The following LHCGR variants were observed in gnomAD, a reference collection of about 807,000 sequenced individuals.
The protein encoded by LHCGR is luteinizing hormone/choriogonadotropin receptor.
A neutral mutation model predicts 60.7 loss-of-function variants in LHCGR; 55 were observed. That is an observed-to-expected ratio of 0.91 (90% CI 0.73 to 1.13). The LOEUF is 1.13. Among genes scored for constraint, LHCGR ranks in the 50% most tolerant of loss-of-function variants. LHCGR has a pLI of 0.00. For synonymous variants in LHCGR, 337 were observed against 316.5 expected (o/e 1.06, Z -0.69); for missense variants, 862 against 836.0 (o/e 1.03, Z -0.38).
intron 1 of LHCGR, among the ~76,000 whole-genome samples, chr2:48,754,320 G>T (rs1480084014): frequency 6.6e-6 from 1 of 152,128 alleles, no homozygotes; most frequent in African/African-American, 2.4e-5. Flanking sequence ...AGACTGTTGG[G>T]GGCTCAAAGG....
chr2:48,740,079 CAGAT>C (rs1010038211), intron 1 of LHCGR, among the ~76,000 whole-genome samples: 2 of 152,220 alleles, frequency 1.3e-5, no homozygotes, highest in African/African-American at 4.8e-5. Context: ...AAAGGGGTGA[CAGAT>C]GGCACCTGGA....
intron 6 of LHCGR, among the ~76,000 whole-genome samples, chr2:48,715,272 C>G (rs557019598): frequency 8.5e-5 from 13 of 152,162 alleles, no homozygotes; most frequent in Non-Finnish European, 1.3e-4. Flanking sequence ...TGCGTGGCAC[C>G]TGGGAGTATT....
rs1444345731 is a variant in LHCGR, at chr2:48,688,249, G to A, written c.1548C>T (p.Pro516=). Reference sequence around the variant, plus strand: ...GTGAGAGAGTGGTTTCCACATCCATGGGGAAGCAAATACTGACCTTCATGT... The same window carrying A: ...GTGAGAGAGTGGTTTCCACATCCATAGGGAAGCAAATACTGACCTTCATGT... The part of the protein sequence containing the change: ...SNYMKVSICF[P]MDVETTLSQV... Residue 516 remains proline (P), a synonymous_variant, in exon 11 of 11, where the codon CCC becomes CCT. Transcript: ENST00000294954. This position sits in a 1 kb window ranked among gnomAD's most constrained non-coding sequence, Gnocchi z 5.2. 7 of 1,614,022 alleles carry A rather than the reference G, an allele frequency of 4.3e-6. No individual in the cohort carries two copies. The highest frequency in any genetic ancestry group is 1.1e-5 in the South Asian group (1 of 91,082).
intron 3 of LHCGR, among the ~76,000 whole-genome samples, 196 bp downstream of exon 3, chr2:48,728,957 G>A (rs1209833997): frequency 6.6e-6 from 1 of 152,128 alleles, no homozygotes. Context: ...CAGCTCCCAG[G>A]GAGAAGCAGT....
intron 6 of LHCGR, among the ~76,000 whole-genome samples, chr2:48,717,833 C>CTTTTTT (rs10711529): frequency 5.2e-4 from 36 of 68,988 alleles, no homozygotes; most frequent in East Asian, 1.5e-3. Context: ...TTTTCCATGT[C>CTTTTTT]TTTTTTTTTT....
chr2:48,696,595 A>C (rs35143434), intron 9 of LHCGR, among the ~76,000 whole-genome samples: 11,465 of 152,256 alleles, frequency 0.075, 489 homozygotes, highest in Non-Finnish European at 0.1. Flanking sequence ...TCAGGTCAAT[A>C]AATGAAAATA....
At chr2:48,742,923 C>T (rs146107186) in intron 1 of LHCGR, among the ~76,000 whole-genome samples, 22,258 of 151,680 alleles carry the variant, frequency 0.15, 2,143 homozygotes, top group East Asian at 0.32. Flanking sequence ...TTGAAAGGAT[C>T]AACAAAATTG....
At chr2:48,734,869 A>G (rs1238848552) in intron 1 of LHCGR, among the ~76,000 whole-genome samples, 1 of 152,210 alleles carries the variant, frequency 6.6e-6, no homozygotes, top group African/African-American at 2.4e-5. Flanking sequence ...TGCACCTCAG[A>G]TGGGTGGTAA....
At position 48,750,271 on chromosome 2, in the gene LHCGR, G is replaced by A. The variant is rs1669903409; in HGVS notation, c.161+5240C>T. The stretch of plus-strand genomic sequence containing the variant: ...TGTGTGCTACACCAGGAGGCCATCT[G>A]TCTCAATTCAGGCTGCCTTGGTGGT... On this transcript the variant is annotated intron_variant, in intron 1 of 10. Coordinates refer to ENST00000294954, the MANE Select transcript of LHCGR (RefSeq NM_000233.4). Among the ~76,000 whole-genome samples, 2 of 152,154 alleles carry A rather than the reference G, an allele frequency of 1.3e-5. 1 individual carries two copies. The highest frequency in any genetic ancestry group is 4.1e-4 in the South Asian group (2 of 4,828).
At chr2:48,747,941 C>T (rs948498486) in intron 1 of LHCGR, among the ~76,000 whole-genome samples, 1 of 152,120 alleles carries the variant, frequency 6.6e-6, no homozygotes, top group Non-Finnish European at 1.5e-5. Context: ...CTTTGAATAG[C>T]GATTCCTCAG....
At chr2:48,748,448 G>C (rs1029804889) in intron 1 of LHCGR, among the ~76,000 whole-genome samples, 2 of 152,070 alleles carry the variant, frequency 1.3e-5, no homozygotes, top group African/African-American at 4.8e-5. Flanking sequence ...TATGTGTCAG[G>C]GGCAGCTAAG....
At chr2:48,689,817 C>T (rs1053019403) in intron 10 of LHCGR, among the ~76,000 whole-genome samples, 13 of 152,040 alleles carry the variant, frequency 8.6e-5, no homozygotes, top group Non-Finnish European at 1.3e-4. Flanking sequence ...CAGGTTCAAA[C>T]GATTCCCCTG....
chr2:48,707,933 C>G lies in LHCGR; in HGVS notation c.680+1015G>C, dbSNP rs567774888. Among the ~76,000 whole-genome samples, 96 of 152,266 alleles carry G rather than the reference C, an allele frequency of 6.3e-4. 3 individuals carry two copies. The highest frequency in any genetic ancestry group is 3.4e-3 in the Middle Eastern group (1 of 294). On this transcript the variant is annotated intron_variant, in intron 8 of 10. Coordinates refer to ENST00000294954, the MANE Select transcript of LHCGR (RefSeq NM_000233.4). ...TCGTTCCTCCAGGTACAGTCTCTCACAGCTTCCCTTGCCTAGGAAAGGGAA... is the reference window on the plus strand; with the variant it reads ...TCGTTCCTCCAGGTACAGTCTCTCAGAGCTTCCCTTGCCTAGGAAAGGGAA...
In LHCGR at chr2:48,705,886, C is replaced by T. The variant is rs188647900; in HGVS notation, c.680+3062G>A. 1.6e-4 allele frequency among the ~76,000 whole-genome samples: 24 copies of T among 152,190 alleles called. No homozygotes were observed. In the East Asian group the frequency reaches 1.7e-3, roughly 11 times the overall value. On this transcript the variant is annotated intron_variant, in intron 8 of 10. Transcript: ENST00000294954. ...TGTCTTTTATTTGGGGCATTTAGCC[C>T]GTTTACATTTAAGATTAATATTGTT...
Position 48,708,548 on chromosome 2 carries a change from CCACACA to C in LHCGR, c.680+394_680+399del, listed in dbSNP as rs5831001. ...AAAGGGGCAATTTGGAGATACCCAC[CCACACA>C]CACACACACACACACACATGCACAC... is the stretch of plus-strand genomic sequence containing the variant. On this transcript the variant is annotated intron_variant, in intron 8 of 10. Transcript: ENST00000294954. 6.2e-3 allele frequency among the ~76,000 whole-genome samples: 926 copies of C among 150,166 alleles called. 7 individuals carry two copies. Among genetic ancestry groups the C allele is most frequent in the African/African-American group, 0.02 (830 of 40,994 alleles).
intron 1 of LHCGR, 74 bp from the exon 2 acceptor site, chr2:48,731,372 G>A (rs1399516234): frequency 9.9e-7 from 1 of 1,008,876 alleles, no homozygotes; most frequent in East Asian, 2.4e-5. Flanking sequence ...GAATAAAATG[G>A]GTATGTGTAT....
chr2:48,712,015 C>T (rs2104426854), intron 7 of LHCGR, among the ~76,000 whole-genome samples: 1 of 152,146 alleles, frequency 6.6e-6, no homozygotes, highest in East Asian at 1.9e-4. Flanking sequence ...GTACTATCTG[C>T]TGGTCTATGA....
chr2:48,714,190 C>A (rs944172399), intron 6 of LHCGR, 136 bp from the exon 7 acceptor site: 58 of 699,070 alleles, frequency 8.3e-5, no homozygotes, highest in Non-Finnish European at 1.4e-4. Flanking sequence ...ATCATCACCA[C>A]CACCATCAAT....
chr2:48,734,007 C>T (rs1356642434), intron 1 of LHCGR, among the ~76,000 whole-genome samples: 2 of 152,156 alleles, frequency 1.3e-5, no homozygotes, highest in African/African-American at 4.8e-5. Flanking sequence ...CAATTCCACT[C>T]CTGTATACAT....
Sources: gnomAD v4.1 joint callset for allele counts (sites outside exome capture counted in the v4.1 genomes callset) on GRCh38, gnomAD v4.1.1 for gene constraint, Gnocchi (gnomAD v3.1) non-coding constraint, MANE v1.5 for transcripts, NCBI Gene and HGNC (gene_info 2026-07-23, HGNC 2026-07-21) for gene names.